CALD1: variants seen among roughly 807,000 people sequenced by gnomAD.
The protein encoded by CALD1 is caldesmon 1.
A neutral mutation model predicts 99.9 loss-of-function variants in CALD1; 33 were observed. That is an observed-to-expected ratio of 0.33 (90% CI 0.25 to 0.44). The LOEUF (loss-of-function observed/expected upper bound fraction) is 0.44. CALD1 is among the 20% of genes least tolerant of loss of function. The probability of loss-of-function intolerance (pLI) is 1.00; values close to 1 mark genes in which losing one functional copy is unlikely to be tolerated. For synonymous variants in CALD1, 310 were observed against 325.0 expected (o/e 0.95, Z 0.50); for missense variants, 861 against 962.1 (o/e 0.89, Z 1.39).
chr7:134,864,155 C>G (rs1428250071), intron 2 of CALD1, among the ~76,000 whole-genome samples: 6 of 152,092 alleles, frequency 3.9e-5, no homozygotes, highest in Non-Finnish European at 8.8e-5. Context: ...TAGAGACCAG[C>G]CTGGCCAACA....
the CALD1 span, among the ~76,000 whole-genome samples, chr7:134,734,597 T>A: frequency 6.6e-6 from 1 of 152,128 alleles, no homozygotes; most frequent in African/African-American, 2.4e-5. Context: ...AGGGACCCGG[T>A]GGGAGGTAAT....
chr7:134,735,473 G>T, the CALD1 span, among the ~76,000 whole-genome samples: 100,297 of 151,856 alleles, frequency 0.66, 33,645 homozygotes, highest in East Asian at 0.89. Context: ...TCTGGTGAGT[G>T]TGTGTGTATC....
chr7:134,754,465 T>A (rs191635180), intron 1 of CALD1, among the ~76,000 whole-genome samples: 2 of 152,192 alleles, frequency 1.3e-5, no homozygotes, highest in African/African-American at 4.8e-5. Flanking sequence ...ATAATACATA[T>A]GCTCTAATTT....
At chr7:134,773,511 C>A (rs1302668740) in intron 1 of CALD1, among the ~76,000 whole-genome samples, 1 of 152,092 alleles carries the variant, frequency 6.6e-6, no homozygotes, top group African/African-American at 2.4e-5. Context: ...TAGGCTCCTT[C>A]TTCTCAGCCT....
chr7:134,733,083 TCTC>T, the CALD1 span, among the ~76,000 whole-genome samples: 1 of 152,134 alleles, frequency 6.6e-6, no homozygotes, highest in East Asian at 1.9e-4. Flanking sequence ...ATTACACCCT[TCTC>T]CTCTCCTCTT....
intron 3 of CALD1, among the ~76,000 whole-genome samples, chr7:134,923,561 G>GC (rs1391551298): frequency 6.6e-6 from 1 of 152,162 alleles, no homozygotes; most frequent in Non-Finnish European, 1.5e-5. Context: ...GGATTATTAT[G>GC]CTTTTATTAC....
chr7:134,838,556 C>A (rs1586074097), intron 1 of CALD1, among the ~76,000 whole-genome samples: 2 of 152,268 alleles, frequency 1.3e-5, no homozygotes, highest in East Asian at 3.9e-4. Context: ...TGGTATGGAC[C>A]ACTTGCAAAA....
chr7:134,823,637 A>G (rs566485891), intron 1 of CALD1, among the ~76,000 whole-genome samples: 5 of 152,352 alleles, frequency 3.3e-5, no homozygotes, highest in African/African-American at 1.2e-4. Context: ...GGGAATAGAC[A>G]AAGTTACATT....
chr7:134,773,530 G>A (rs982911298), intron 1 of CALD1, among the ~76,000 whole-genome samples: 2 of 152,016 alleles, frequency 1.3e-5, no homozygotes, highest in Admixed American at 6.5e-5. Context: ...CTCCCAAAGG[G>A]CTGGGATTAC....
chr7:134,747,402 G>A (rs1258036155), intron 1 of CALD1, among the ~76,000 whole-genome samples: 3 of 152,370 alleles, frequency 2.0e-5, no homozygotes, highest in African/African-American at 7.2e-5. Flanking sequence ...CCTAGAGGGA[G>A]TTGTTCAAAG....
upstream of CALD1, among the ~76,000 whole-genome samples, chr7:134,775,290 A>G (rs1055027860): frequency 1.3e-5 from 2 of 152,344 alleles, no homozygotes; most frequent in East Asian, 3.9e-4. Flanking sequence ...TTGTGTGAAT[A>G]GCACTTATCT....
At chr7:134,966,181 A>G (rs549137418) in intron 14 of CALD1, among the ~76,000 whole-genome samples, 1 of 152,332 alleles carries the variant, frequency 6.6e-6, no homozygotes, top group Non-Finnish European at 1.5e-5. Context: ...AAACAGAAGC[A>G]CTTCGTAAGC....
At chr7:134,864,265 C>T (rs1346056182) in intron 2 of CALD1, among the ~76,000 whole-genome samples, 1 of 149,972 alleles carries the variant, frequency 6.7e-6, no homozygotes, top group African/African-American at 2.5e-5. Flanking sequence ...GAGAATTTCT[C>T]GAACCTGGGA....
At chr7:134,861,095 T>C (rs748263450) in intron 2 of CALD1, among the ~76,000 whole-genome samples, 1 of 152,208 alleles carries the variant, frequency 6.6e-6, no homozygotes, top group Non-Finnish European at 1.5e-5. Context: ...GAAGCATGGA[T>C]ATGTCATGTG....
intron 1 of CALD1, among the ~76,000 whole-genome samples, chr7:134,805,080 G>A (rs1391684085): frequency 6.6e-6 from 1 of 152,174 alleles, no homozygotes; most frequent in Admixed American, 6.5e-5. Flanking sequence ...TCCTGGGTGG[G>A]GGCCACAAGC....
At chr7:134,950,281 T>C in intron 8 of CALD1, 93 bp from the exon 9 acceptor site, 4 of 1,277,752 alleles carry the variant, frequency 3.1e-6, no homozygotes, top group Non-Finnish European at 4.4e-6. Flanking sequence ...CTGAGTCTGC[T>C]GCCTCTCCAA....
chr7:134,789,051 A>AAG (rs58407138), intron 1 of CALD1, among the ~76,000 whole-genome samples: 1 of 150,530 alleles, frequency 6.6e-6, no homozygotes, highest in Non-Finnish European at 1.5e-5. Context: ...AAAAAAAAAA[A>AAG]GTCTACAATT....
chr7:134,910,650 C>T (rs896190568), intron 3 of CALD1, among the ~76,000 whole-genome samples: 39 of 151,906 alleles, frequency 2.6e-4, no homozygotes, highest in Admixed American at 5.9e-4. Context: ...CATGCACACA[C>T]GTACACACAC....
At chr7:134,736,114 G>A in the CALD1 span, among the ~76,000 whole-genome samples, 1,615 of 152,300 alleles carry the variant, frequency 0.011, 28 homozygotes, top group African/African-American at 0.036. Flanking sequence ...AAATGGGAAT[G>A]TAAGCCTTTC....
Sources: allele counts gnomAD v4.1 joint callset (sites outside exome capture counted in the v4.1 genomes callset), GRCh38; gene constraint gnomAD v4.1.1; transcripts MANE v1.5; gene names NCBI Gene and HGNC (gene_info 2026-07-23, HGNC 2026-07-21).